Variants in IGSF21 observed in about 807,000 individuals in gnomAD.
IGSF21 encodes immunoglobin superfamily member 21.
Under a neutral mutation model 46.8 loss-of-function variants are expected in IGSF21, and 28 were observed. That is an observed-to-expected ratio of 0.60 (90% CI 0.44 to 0.82). The LOEUF (loss-of-function observed/expected upper bound fraction) is 0.82, where lower values mean the gene tolerates loss of function less well. IGSF21 is among the 40% of genes least tolerant of loss of function. IGSF21 has a pLI of 0.00. For missense variants in IGSF21, 624 were observed against 665.5 expected (o/e 0.94, Z 0.69); for synonymous variants, 284 against 273.6 (o/e 1.04, Z -0.38).
chr1:18,296,949 C>T (rs1045312589), intron 3 of IGSF21, among the ~76,000 whole-genome samples: 1 of 152,192 alleles, frequency 6.6e-6, no homozygotes. Flanking sequence ...TGTATTCCTG[C>T]CCCCGACCTG....
At chr1:18,327,134 C>T (rs1406273558) in intron 3 of IGSF21, among the ~76,000 whole-genome samples, 5 of 152,172 alleles carry the variant, frequency 3.3e-5, no homozygotes, top group East Asian at 1.9e-4. Context: ...TTTTGATCCA[C>T]GTTGCACACA....
intron 3 of IGSF21, among the ~76,000 whole-genome samples, chr1:18,307,877 G>T (rs1260806792): frequency 6.6e-6 from 1 of 152,178 alleles, no homozygotes; most frequent in South Asian, 2.1e-4. Context: ...AAGTAAAGGA[G>T]GGCTCGACCC....
intron 2 of IGSF21, among the ~76,000 whole-genome samples, chr1:18,275,096 G>A (rs2085087044): frequency 6.6e-6 from 1 of 152,064 alleles, no homozygotes; most frequent in South Asian, 2.1e-4. Context: ...TGAAAACAGG[G>A]GCCTCTTCTT....
At chr1:18,108,227 G>C in intron 1 of IGSF21, 29 bp downstream of exon 1, 1 of 1,339,910 alleles carries the variant, frequency 7.5e-7, no homozygotes, top group South Asian at 1.9e-5. Context: ...GGCGGGAGCC[G>C]AGCGGTGAAC....
chr1:18,195,121 G>C (rs1355858547), intron 1 of IGSF21, among the ~76,000 whole-genome samples: 1 of 152,196 alleles, frequency 6.6e-6, no homozygotes, highest in African/African-American at 2.4e-5. Context: ...TTCAAGGTGA[G>C]ATTTGGGTAG....
intron 2 of IGSF21, among the ~76,000 whole-genome samples, chr1:18,275,022 G>GA (rs1351539597): frequency 6.8e-6 from 1 of 146,440 alleles, no homozygotes; most frequent in Non-Finnish European, 1.5e-5. Context: ...GTAAGACTCT[G>GA]AAAAAACAAA....
chr1:18,231,561 G>C (rs2084625921), intron 2 of IGSF21, among the ~76,000 whole-genome samples: 1 of 152,174 alleles, frequency 6.6e-6, no homozygotes, highest in Non-Finnish European at 1.5e-5. Flanking sequence ...CTTGGTCTGG[G>C]TTGTCCAATA....
intron 1 of IGSF21, among the ~76,000 whole-genome samples, chr1:18,172,167 C>T (rs1318300722): frequency 1.3e-5 from 2 of 152,170 alleles, no homozygotes; most frequent in African/African-American, 4.8e-5. Flanking sequence ...TAGCTCAAGA[C>T]TTCTTATGTG....
intron 1 of IGSF21, among the ~76,000 whole-genome samples, chr1:18,118,175 T>C (rs1004948859): frequency 6.6e-6 from 1 of 152,206 alleles, no homozygotes; most frequent in African/African-American, 2.4e-5. Flanking sequence ...CTTTGCCCTT[T>C]TGTTTCTCTT....
At chr1:18,123,644 C>T (rs1346860275) in intron 1 of IGSF21, among the ~76,000 whole-genome samples, 1 of 152,084 alleles carries the variant, frequency 6.6e-6, no homozygotes, top group Non-Finnish European at 1.5e-5. Flanking sequence ...AGGGGTGATG[C>T]ATGACTGGGT....
At chr1:18,355,829 C>T (rs1230959944) in intron 4 of IGSF21, among the ~76,000 whole-genome samples, 26 of 88,990 alleles carry the variant, frequency 2.9e-4, no homozygotes, top group African/African-American at 1.0e-3. Context: ...TGTCTAGACT[C>T]TTTTTTTTTT....
chr1:18,183,094 C>T (rs1413045928), intron 1 of IGSF21, among the ~76,000 whole-genome samples: 1 of 152,218 alleles, frequency 6.6e-6, no homozygotes, highest in Non-Finnish European at 1.5e-5. Context: ...ATAGAGTGAC[C>T]TGAACCCTAT....
chr1:18,185,897 CT>C (rs1474663109), intron 1 of IGSF21, among the ~76,000 whole-genome samples: 1 of 152,198 alleles, frequency 6.6e-6, no homozygotes, highest in Non-Finnish European at 1.5e-5. Flanking sequence ...GTCATTGCCC[CT>C]CTCTGAGCCT....
In IGSF21 at chr1:18,335,765, G is replaced by A. The variant is rs189833451; in HGVS notation, c.424+755G>A. 4.6e-5 allele frequency among the ~76,000 whole-genome samples: 7 copies of A among 152,272 alleles called. No individual in the cohort carries two copies. In the East Asian group the frequency reaches 5.8e-4, roughly 13 times the overall value. ...CAAAGCTTGCGGTACACAGGCAATC[G>A]ATGAAAGCATAAAGGCCCTGCTGAA... On this transcript the variant is annotated intron_variant, in intron 4 of 9. Coordinates refer to ENST00000251296, the MANE Select transcript of IGSF21 (RefSeq NM_032880.5). This position sits in a 1 kb window ranked among gnomAD's most constrained non-coding sequence, Gnocchi z 4.8.
chr1:18,319,579 G>A (rs1008884695), intron 3 of IGSF21, among the ~76,000 whole-genome samples: 3 of 151,682 alleles, frequency 2.0e-5, no homozygotes, highest in Admixed American at 6.6e-5. Context: ...TTTATGTACT[G>A]TTGTTCCTCT....
intron 1 of IGSF21, among the ~76,000 whole-genome samples, chr1:18,198,362 C>T (rs547622472): frequency 1.4e-4 from 21 of 152,230 alleles, no homozygotes; most frequent in South Asian, 2.1e-4. Context: ...TTATAGCTGC[C>T]GGGACCCACA....
chr1:18,308,156 CA>C, intron 3 of IGSF21, among the ~76,000 whole-genome samples: 1 of 152,252 alleles, frequency 6.6e-6, no homozygotes, highest in Non-Finnish European at 1.5e-5. Context: ...TCATCACCGC[CA>C]AACGCTCACC....
intron 4 of IGSF21, among the ~76,000 whole-genome samples, chr1:18,340,837 T>A (rs546343120): frequency 8.5e-4 from 130 of 152,270 alleles, no homozygotes; most frequent in South Asian, 4.6e-3. Flanking sequence ...CTTCTCTCTC[T>A]GGCTCTGTGT....
chr1:18,247,273 C>T (rs578225133), intron 2 of IGSF21, among the ~76,000 whole-genome samples: 7 of 152,076 alleles, frequency 4.6e-5, no homozygotes, highest in Non-Finnish European at 7.3e-5. Flanking sequence ...CTCTGTCAGG[C>T]TTCTGGAGGC....
Sources: gnomAD v4.1 joint callset for allele counts (sites outside exome capture counted in the v4.1 genomes callset) on GRCh38, gnomAD v4.1.1 for gene constraint, Gnocchi (gnomAD v3.1) non-coding constraint, MANE v1.5 for transcripts, NCBI Gene and HGNC (gene_info 2026-07-23, HGNC 2026-07-21) for gene names.